The following AUTS2 variants were observed in gnomAD, a reference collection of about 807,000 sequenced individuals.
AUTS2 encodes the protein activator of transcription and developmental regulator AUTS2.
AUTS2 carries 17 observed loss-of-function variants against 112.4 expected under a neutral mutation model. That is an observed-to-expected ratio of 0.15 (90% confidence interval 0.10 to 0.23). The LOEUF (loss-of-function observed/expected upper bound fraction) is 0.23, where lower values mean the gene tolerates loss of function less well. Ranked by LOEUF, AUTS2 falls within the 10% of genes least tolerant of loss-of-function variation. The probability of loss-of-function intolerance (pLI) is 1.00; values close to 1 mark genes in which losing one functional copy is unlikely to be tolerated. For synonymous variants in AUTS2, 751 were observed against 702.7 expected (o/e 1.07, Z -1.09); for missense variants, 1,510 against 1,701.6 (o/e 0.89, Z 1.98).
chr7:69,713,050 GA>G (rs1480061633), intron 1 of AUTS2, among the ~76,000 whole-genome samples: 2 of 152,106 alleles, frequency 1.3e-5, no homozygotes, highest in East Asian at 1.9e-4. Flanking sequence ...TTTTGCCCAT[GA>G]AAAAAACCTT....
intron 5 of AUTS2, among the ~76,000 whole-genome samples, chr7:70,581,668 C>T (rs1357531523): frequency 6.6e-6 from 1 of 152,230 alleles, no homozygotes; most frequent in Admixed American, 6.5e-5. Flanking sequence ...CCCCTTCTCC[C>T]TATCCAACCT....
intron 1 of AUTS2, among the ~76,000 whole-genome samples, chr7:69,727,418 C>T (rs577020812): frequency 3.9e-5 from 6 of 151,930 alleles, no homozygotes; most frequent in Non-Finnish European, 7.4e-5. Context: ...GGTGAAACCC[C>T]GTCTCTACTA....
At chr7:70,652,827 A>G (rs572757398) in intron 5 of AUTS2, among the ~76,000 whole-genome samples, 6 of 152,300 alleles carry the variant, frequency 3.9e-5, no homozygotes, top group South Asian at 2.1e-4. Flanking sequence ...ACTCTTGGCA[A>G]TGGTGGTGTT....
intron 4 of AUTS2, among the ~76,000 whole-genome samples, chr7:70,322,341 G>A (rs1790293181): frequency 1.3e-5 from 2 of 152,168 alleles, no homozygotes; most frequent in African/African-American, 4.8e-5. Context: ...TGGATGAAGT[G>A]GAAGAACAAG....
chr7:70,659,726 G>A (rs982185675), intron 5 of AUTS2, among the ~76,000 whole-genome samples: 2 of 152,184 alleles, frequency 1.3e-5, no homozygotes, highest in Non-Finnish European at 2.9e-5. Context: ...TCTAGTCATG[G>A]ATATGGTGGA....
rs75050940 is a variant in AUTS2 at position 70,252,732 on chromosome 7, G to A, written c.660+118161G>A. Among the ~76,000 whole-genome samples, 904 of 152,176 alleles carry A rather than the reference G, an allele frequency of 5.9e-3. 10 individuals are homozygous for A. Among genetic ancestry groups the A allele is most frequent in the African/African-American group, 0.02 (836 of 41,548 alleles). On this transcript the variant is annotated intron_variant, in intron 4 of 18. Coordinates refer to ENST00000342771, the MANE Select transcript of AUTS2 (RefSeq NM_015570.4). ...TTACAGTTTCAGATCTTACATTTAA[G>A]TTTTCAGTCCATTTTGAGTTTATTT...
intron 2 of AUTS2, among the ~76,000 whole-genome samples, chr7:70,032,030 G>A (rs911833259): frequency 1.3e-5 from 2 of 152,062 alleles, no homozygotes; most frequent in Non-Finnish European, 2.9e-5. Flanking sequence ...TATAGTAGTC[G>A]GGGTTAACGT....
At chr7:70,119,953 A>G (rs868205109) in intron 3 of AUTS2, 1 of 152,234 alleles carries the variant, frequency 6.6e-6, no homozygotes, top group Non-Finnish European at 1.5e-5. Flanking sequence ...TTAAAAAAAG[A>G]AATTAAACTT....
chr7:69,689,185 G>A (rs565832168), intron 1 of AUTS2, among the ~76,000 whole-genome samples: 1 of 152,066 alleles, frequency 6.6e-6, no homozygotes, highest in South Asian at 2.1e-4. Flanking sequence ...TGCCTGGGGG[G>A]TTTCATAAAG....
intron 6 of AUTS2, among the ~76,000 whole-genome samples, chr7:70,742,113 A>G (rs13223675): frequency 0.023 from 3,480 of 152,326 alleles, 58 homozygotes; most frequent in Non-Finnish European, 0.035. Context: ...TGATCAGTAA[A>G]GCATCTTTTT....
At chr7:70,164,369 A>G (rs1171144291) in intron 4 of AUTS2, among the ~76,000 whole-genome samples, 1 of 152,138 alleles carries the variant, frequency 6.6e-6, no homozygotes, top group Non-Finnish European at 1.5e-5. Flanking sequence ...TTTCTGTTGT[A>G]GTATCCTATC....
intron 2 of AUTS2, among the ~76,000 whole-genome samples, chr7:70,005,975 C>T (rs1799528900): frequency 6.6e-6 from 1 of 152,048 alleles, no homozygotes; most frequent in African/African-American, 2.4e-5. Context: ...ATAATGTTAC[C>T]TCTTTTCCGA....
intron 8 of AUTS2, among the ~76,000 whole-genome samples, chr7:70,765,635 C>G (rs1310373124): frequency 6.6e-6 from 1 of 152,172 alleles, no homozygotes; most frequent in Non-Finnish European, 1.5e-5. Flanking sequence ...AGAGGACATG[C>G]GAGCCCTGCC....
chr7:70,137,817 G>A (rs1806651169), intron 4 of AUTS2, among the ~76,000 whole-genome samples: 1 of 152,192 alleles, frequency 6.6e-6, no homozygotes, highest in Non-Finnish European at 1.5e-5. Flanking sequence ...CTCATCAGGT[G>A]GCTGTGCAAT....
intron 1 of AUTS2, among the ~76,000 whole-genome samples, chr7:69,782,091 G>A (rs902627527): frequency 6.6e-6 from 1 of 152,126 alleles, no homozygotes; most frequent in African/African-American, 2.4e-5. Context: ...TCTTCTTCGC[G>A]GCCCGGCTCA....
At chr7:70,504,538 G>A (rs1798889659) in intron 5 of AUTS2, among the ~76,000 whole-genome samples, 1 of 152,136 alleles carries the variant, frequency 6.6e-6, no homozygotes, top group African/African-American at 2.4e-5. Flanking sequence ...GTAGATGTGT[G>A]AGTGATGCAG....
intron 5 of AUTS2, among the ~76,000 whole-genome samples, chr7:70,578,740 A>G (rs12530865): frequency 0.085 from 12,921 of 152,050 alleles, 587 homozygotes; most frequent in Middle Eastern, 0.13. Flanking sequence ...ACTTAGCCAT[A>G]TTATCATGAT....
chr7:70,297,548 G>A (rs1330081838), intron 4 of AUTS2, among the ~76,000 whole-genome samples: 1 of 151,186 alleles, frequency 6.6e-6, no homozygotes, highest in Non-Finnish European at 1.5e-5. Flanking sequence ...TCCTGCCCCA[G>A]CCTCCCAAGT....
intron 2 of AUTS2, among the ~76,000 whole-genome samples, chr7:70,056,537 C>A (rs1049747742): frequency 6.6e-6 from 1 of 152,204 alleles, no homozygotes; most frequent in Non-Finnish European, 1.5e-5. Context: ...GGGCTCACAG[C>A]TGGGAGCTGA....
Sources: allele counts gnomAD v4.1 joint callset (sites outside exome capture counted in the v4.1 genomes callset), GRCh38; gene constraint gnomAD v4.1.1; transcripts MANE v1.5; gene names NCBI Gene and HGNC (gene_info 2026-07-23, HGNC 2026-07-21).